PTPRD: variants seen among roughly 807,000 people sequenced by gnomAD.
PTPRD encodes the protein receptor-type tyrosine-protein phosphatase delta.
Under a neutral mutation model 214.5 loss-of-function variants are expected in PTPRD, and 34 were observed. That is an observed-to-expected ratio of 0.16 (90% CI 0.12 to 0.21). PTPRD has a LOEUF of 0.21. Ranked by LOEUF, PTPRD falls within the 10% of genes least tolerant of loss-of-function variation. PTPRD has a pLI of 1.00. For missense variants in PTPRD, 2,545 were observed against 2,398.7 expected (o/e 1.06, Z -1.27); for synonymous variants, 1,128 against 845.7 (o/e 1.33, Z -5.79).
intron 11 of PTPRD, among the ~76,000 whole-genome samples, chr9:8,781,868 G>A (rs2095712866): frequency 6.6e-6 from 1 of 152,082 alleles, no homozygotes; most frequent in Admixed American, 6.6e-5. Flanking sequence ...ATGTCACTCT[G>A]TATGCCTAAC....
At chr9:9,021,569 G>A (rs1435767405) in intron 10 of PTPRD, among the ~76,000 whole-genome samples, 1 of 152,014 alleles carries the variant, frequency 6.6e-6, no homozygotes, top group Non-Finnish European at 1.5e-5. Context: ...GTTAACTACA[G>A]AATGGTCTCA....
chr9:8,472,696 G>A (rs564557550), intron 30 of PTPRD, among the ~76,000 whole-genome samples: 1 of 150,674 alleles, frequency 6.6e-6, no homozygotes, highest in East Asian at 1.9e-4. Flanking sequence ...TAATCTGGAT[G>A]TATTAGGTTA....
intron 8 of PTPRD, among the ~76,000 whole-genome samples, chr9:9,461,097 C>T (rs999987489): frequency 6.6e-5 from 10 of 151,870 alleles, no homozygotes; most frequent in Non-Finnish European, 1.5e-4. Flanking sequence ...TATATTCTCA[C>T]TTATAAGTGG....
chr9:9,989,967 A>G (rs1285228753), intron 4 of PTPRD, among the ~76,000 whole-genome samples: 1 of 152,184 alleles, frequency 6.6e-6, no homozygotes, highest in East Asian at 1.9e-4. Flanking sequence ...AAGTCCCGCA[A>G]AGGGGTCAAG....
chr9:9,358,843 G>A (rs961959568), intron 9 of PTPRD, among the ~76,000 whole-genome samples: 1 of 151,284 alleles, frequency 6.6e-6, no homozygotes, highest in Non-Finnish European at 1.5e-5. Context: ...TTCTTGTATA[G>A]GAAACTCAAG....
chr9:8,561,919 C>T (rs2086552010), intron 14 of PTPRD, among the ~76,000 whole-genome samples: 1 of 151,892 alleles, frequency 6.6e-6, no homozygotes, highest in Non-Finnish European at 1.5e-5. Context: ...TAAATGCCAT[C>T]CATCTTGAAA....
intron 11 of PTPRD, among the ~76,000 whole-genome samples, chr9:8,957,202 G>C (rs983155218): frequency 6.6e-6 from 1 of 151,654 alleles, no homozygotes; most frequent in Non-Finnish European, 1.5e-5. Context: ...TAACTTTCAC[G>C]TAACTTTCAT....
chr9:8,374,912 T>C (rs1055494459), intron 39 of PTPRD, among the ~76,000 whole-genome samples: 1 of 151,942 alleles, frequency 6.6e-6, no homozygotes, highest in Admixed American at 6.6e-5. Flanking sequence ...TCTAAAAAAC[T>C]AGCTCCTTTT....
chr9:9,771,689 T>C (rs2098753059), intron 5 of PTPRD, among the ~76,000 whole-genome samples: 1 of 152,200 alleles, frequency 6.6e-6, no homozygotes, highest in Non-Finnish European at 1.5e-5. Context: ...TTCAAGAGCA[T>C]ACATCCCTAC....
At chr9:9,567,816 G>A (rs746657798) in intron 8 of PTPRD, among the ~76,000 whole-genome samples, 16 of 152,062 alleles carry the variant, frequency 1.1e-4, no homozygotes, top group Non-Finnish European at 2.4e-4. Context: ...AATAGTAAAT[G>A]ATCCTTATAG....
intron 4 of PTPRD, among the ~76,000 whole-genome samples, chr9:9,944,881 T>C (rs7848344): frequency 0.087 from 13,222 of 151,864 alleles, 1,901 homozygotes; most frequent in African/African-American, 0.3. Flanking sequence ...AAGGTCCAGT[T>C]TGGCCAGATG....
intron 39 of PTPRD, among the ~76,000 whole-genome samples, chr9:8,352,861 C>G (rs2075891923): frequency 6.6e-6 from 1 of 152,074 alleles, no homozygotes; most frequent in Non-Finnish European, 1.5e-5. Flanking sequence ...GCCTGTAATC[C>G]CAGCGCTTTG....
At chr9:8,836,479 C>A (rs2097424708) in intron 11 of PTPRD, among the ~76,000 whole-genome samples, 2 of 149,868 alleles carry the variant, frequency 1.3e-5, no homozygotes, top group South Asian at 4.2e-4. Context: ...AGTATACCAA[C>A]AAAATCCATC....
intron 7 of PTPRD, among the ~76,000 whole-genome samples, chr9:9,613,284 T>C (rs188489236): frequency 6.6e-6 from 1 of 151,844 alleles, no homozygotes; most frequent in South Asian, 2.1e-4. Flanking sequence ...ATGAACATAA[T>C]TAATGATAAA....
intron 4 of PTPRD, among the ~76,000 whole-genome samples, chr9:10,031,979 A>C (rs117668085): frequency 0.01 from 1,567 of 152,194 alleles, 73 homozygotes; most frequent in Admixed American, 0.076. Context: ...CATATTAAAG[A>C]TTTAATGTAG....
At chr9:9,658,568 G>C (rs749706743) in intron 7 of PTPRD, among the ~76,000 whole-genome samples, 2 of 152,104 alleles carry the variant, frequency 1.3e-5, no homozygotes, top group Non-Finnish European at 2.9e-5. Context: ...TCTCCAAGAA[G>C]ATCACTTGTG....
At chr9:8,335,327 G>C (rs989780064) in intron 43 of PTPRD, among the ~76,000 whole-genome samples, 6 of 151,388 alleles carry the variant, frequency 4.0e-5, no homozygotes, top group Admixed American at 2.0e-4. Flanking sequence ...GGGATGCAAG[G>C]CTTGTTCAAC....
intron 9 of PTPRD, among the ~76,000 whole-genome samples, chr9:9,208,389 G>A (rs1474358544): frequency 6.6e-6 from 1 of 151,744 alleles, no homozygotes; most frequent in Middle Eastern, 3.2e-3. Flanking sequence ...TTTCTAAAGA[G>A]AGGTGAGGGT....
At chr9:10,396,320 T>C (rs966412443) in intron 2 of PTPRD, among the ~76,000 whole-genome samples, 1 of 152,012 alleles carries the variant, frequency 6.6e-6, no homozygotes, top group African/African-American at 2.4e-5. Context: ...GAATGAGCTA[T>C]GCTTTAGGAG....
Sources: gnomAD v4.1 joint callset for allele counts (sites outside exome capture counted in the v4.1 genomes callset) on GRCh38, gnomAD v4.1.1 for gene constraint, MANE v1.5 for transcripts, NCBI Gene and HGNC (gene_info 2026-07-23, HGNC 2026-07-21) for gene names.